NTNG2: variants seen among roughly 807,000 people sequenced by gnomAD.
The protein encoded by NTNG2 is netrin G2, also known as netrin-G2.
A neutral mutation model predicts 47.6 loss-of-function variants in NTNG2; 15 were observed. That is an observed-to-expected ratio of 0.32 (90% CI 0.21 to 0.49). The LOEUF is 0.49. Ranked by LOEUF, NTNG2 falls within the 20% of genes least tolerant of loss-of-function variation. The pLI is 0.99. For missense variants in NTNG2, 578 were observed against 764.6 expected (o/e 0.76, Z 2.88); for synonymous variants, 307 against 324.6 (o/e 0.95, Z 0.58).
intron 5 of NTNG2, among the ~76,000 whole-genome samples, chr9:132,230,911 A>C (rs989248110): frequency 1.3e-5 from 2 of 152,084 alleles, no homozygotes; most frequent in Non-Finnish European, 2.9e-5. Flanking sequence ...GACTTTTTGC[A>C]GGTCTCTTGG....
chr9:132,192,577 C>G (rs1837978849), intron 2 of NTNG2, among the ~76,000 whole-genome samples: 2 of 152,050 alleles, frequency 1.3e-5, no homozygotes, highest in African/African-American at 4.8e-5. Flanking sequence ...GGCCATGGAG[C>G]AAGATTCTGT....
chr9:132,224,877 C>T (rs1205010585), intron 3 of NTNG2, among the ~76,000 whole-genome samples: 1 of 152,144 alleles, frequency 6.6e-6, no homozygotes, highest in East Asian at 1.9e-4. Flanking sequence ...TACCTCTGCC[C>T]ATCAGATAAT....
At chr9:132,196,083 C>A (rs756432857) in intron 2 of NTNG2, among the ~76,000 whole-genome samples, 2 of 151,932 alleles carry the variant, frequency 1.3e-5, no homozygotes, top group Admixed American at 6.6e-5. Flanking sequence ...TCTGATGAAC[C>A]ATTGTTGATA....
At chr9:132,177,183 C>T (rs1187149924) in intron 2 of NTNG2, among the ~76,000 whole-genome samples, 1 of 152,190 alleles carries the variant, frequency 6.6e-6, no homozygotes, top group Non-Finnish European at 1.5e-5. Context: ...GACAGGGTTT[C>T]ACCATGTTGC....
rs1004456992 is a variant in NTNG2, at chr9:132,230,691, G to T, written c.1054+96G>T. ...CTGGAGAGAAAAAAGGGGCTTCAGT[G>T]TCCCCTCTGGGACTTGGGCCTATTC... is the stretch of plus-strand genomic sequence containing the variant. On this transcript the variant is annotated intron_variant, in intron 5 of 7. Transcript: ENST00000393229. 8 of 1,321,034 alleles carry T rather than the reference G, an allele frequency of 6.1e-6. No individual in the cohort carries two copies. The East Asian group carries it at 2.0e-4, about 33-fold the overall frequency. 81.8% of individuals were successfully genotyped at this position (1,321,034 alleles called of 1,614,324 possible).
At chr9:132,234,915 G>C (rs956648699) in intron 5 of NTNG2, among the ~76,000 whole-genome samples, 1 of 152,256 alleles carries the variant, frequency 6.6e-6, no homozygotes, top group Non-Finnish European at 1.5e-5. Flanking sequence ...CCACCGTTGT[G>C]TATAATCCCT....
rs200352273 is a variant in NTNG2, at chr9:132,197,959, G to A, written c.214-7G>A. On this transcript the variant is annotated splice_region_variant and splice_polypyrimidine_tract_variant and intron_variant, in intron 2 of 7. Coordinates refer to ENST00000393229, the MANE Select transcript of NTNG2 (RefSeq NM_032536.4). This position sits in a 1 kb window ranked among gnomAD's most constrained non-coding sequence, Gnocchi z 4.3. ...CCCACCCTTCCCTTCTCCTCTCCCC[G>A]CTGCAGGAGAATCCCTACCTATGCA... 3.9e-5 allele frequency: 62 copies of A among 1,604,160 alleles called. No homozygotes were observed. The highest frequency in any genetic ancestry group is 2.9e-4 in the East Asian group (13 of 44,700).
intron 3 of NTNG2, among the ~76,000 whole-genome samples, chr9:132,213,261 A>T (rs6597559): frequency 3.3e-5 from 5 of 150,692 alleles, no homozygotes; most frequent in Non-Finnish European, 5.9e-5. Flanking sequence ...GGCGGAGGTT[A>T]AAGTGAGCTG....
intron 3 of NTNG2, among the ~76,000 whole-genome samples, chr9:132,210,718 G>A (rs1839529740): frequency 6.6e-6 from 1 of 152,192 alleles, no homozygotes; most frequent in Admixed American, 6.5e-5. Flanking sequence ...AGTTGAGTGG[G>A]GAGAGGACAG....
At position 132,236,557 on chromosome 9, in the gene NTNG2, A is replaced by C. The variant is rs1418794672; in HGVS notation, c.1055-2547A>C. 6.6e-6 allele frequency among the ~76,000 whole-genome samples: 1 copy of C among 152,164 alleles called. No individual in the cohort carries two copies. The highest frequency in any genetic ancestry group is 2.4e-5 in the African/African-American group (1 of 41,444). On this transcript the variant is annotated intron_variant, in intron 5 of 7. Coordinates refer to ENST00000393229, the MANE Select transcript of NTNG2 (RefSeq NM_032536.4). This position sits in a 1 kb window ranked among gnomAD's most constrained non-coding sequence, Gnocchi z 4.3. ...GCTCTGAGCAGCGAGCAGGGCTTTG[A>C]GCGCCCTCTACTGGCAGGAAGCTCT... is the stretch of plus-strand genomic sequence containing the variant.
rs566321216 is a variant in NTNG2, at chr9:132,208,455, G to T, written c.857+9846G>T. ...CCGGTGTTTGGAAATCTGAGTTGGG[G>T]GTGGCGGTGCTGGAGGCCTGCAGGA... On this transcript the variant is annotated intron_variant, in intron 3 of 7. Transcript: ENST00000393229. The surrounding 1 kb of genome is among the most constrained non-coding windows in gnomAD (Gnocchi z 4.0). 7.9e-5 allele frequency among the ~76,000 whole-genome samples: 12 copies of T among 152,302 alleles called. No individual in the cohort carries two copies. The highest frequency in any genetic ancestry group is 2.6e-4 in the Admixed American group (4 of 15,296).
chr9:132,238,601 T>A (rs1349313553), intron 5 of NTNG2, among the ~76,000 whole-genome samples: 2 of 152,234 alleles, frequency 1.3e-5, no homozygotes, highest in Non-Finnish European at 2.9e-5. Context: ...CAAAGCAGCA[T>A]GGGCAGGAGC....
Position 132,174,041 on chromosome 9 carries a change from C to CCA in NTNG2, c.213+7001_213+7002dup, listed in dbSNP as rs1836175817. 6.2e-5 allele frequency among the ~76,000 whole-genome samples: 9 copies of CCA among 144,972 alleles called. No homozygotes were observed. In the South Asian group the frequency reaches 2.0e-3, roughly 33 times the overall value. On this transcript the variant is annotated intron_variant, in intron 2 of 7. Coordinates refer to ENST00000393229, the MANE Select transcript of NTNG2 (RefSeq NM_032536.4). ...ACGGATGGACGGACAGGCAGGCAGG[C>CCA]CACACCATGCTGCGGATGAGATGGA...
intron 2 of NTNG2, among the ~76,000 whole-genome samples, chr9:132,195,998 T>A (rs1200726795): frequency 1.3e-5 from 2 of 151,928 alleles, no homozygotes; most frequent in Admixed American, 6.5e-5. Context: ...CTCAAACTCC[T>A]GGGCTCAAGT....
chr9:132,209,913 G>A (rs1215161358), intron 3 of NTNG2, among the ~76,000 whole-genome samples: 1 of 151,734 alleles, frequency 6.6e-6, no homozygotes, highest in South Asian at 2.1e-4. Flanking sequence ...GATAGCTGTG[G>A]GGAGGGCGGG....
chr9:132,219,044 T>C (rs1344128340), intron 3 of NTNG2, among the ~76,000 whole-genome samples: 6 of 151,886 alleles, frequency 4.0e-5, no homozygotes, highest in African/African-American at 1.5e-4. Context: ...CTTTAGAACA[T>C]TTCCATCACC....
intron 4 of NTNG2, among the ~76,000 whole-genome samples, chr9:132,229,829 G>A (rs1841063150): frequency 6.6e-6 from 1 of 152,216 alleles, no homozygotes; most frequent in Non-Finnish European, 1.5e-5. Flanking sequence ...GAAAGCTGTG[G>A]CACCAGCTCC....
chr9:132,176,429 T>C (rs1836465469), intron 2 of NTNG2, among the ~76,000 whole-genome samples: 1 of 152,204 alleles, frequency 6.6e-6, no homozygotes, highest in African/African-American at 2.4e-5. Flanking sequence ...TTCATACGAA[T>C]GGAATCAGAC....
chr9:132,232,815 G>T (rs564665717), intron 5 of NTNG2: 28 of 152,450 alleles, frequency 1.8e-4, no homozygotes, highest in African/African-American at 6.7e-4. Flanking sequence ...TCCCCCTTGG[G>T]GGGTGGCATT....
Sources: gnomAD v4.1 joint callset for allele counts (sites outside exome capture counted in the v4.1 genomes callset) on GRCh38, gnomAD v4.1.1 for gene constraint, Gnocchi (gnomAD v3.1) non-coding constraint, MANE v1.5 for transcripts, NCBI Gene and HGNC (gene_info 2026-07-23, HGNC 2026-07-21) for gene names.